GALNT18: variants seen among roughly 807,000 people sequenced by gnomAD.
GALNT18 encodes polypeptide N-acetylgalactosaminyltransferase 18.
A neutral mutation model predicts 69.5 loss-of-function variants in GALNT18; 44 were observed. The observed-to-expected ratio is 0.63, with a 90% CI of 0.50 to 0.81. The LOEUF is 0.81. Ranked by LOEUF, GALNT18 falls within the 40% of genes least tolerant of loss-of-function variation. The pLI is 0.00. For synonymous variants in GALNT18, 364 were observed against 318.2 expected (o/e 1.14, Z -1.53); for missense variants, 715 against 810.0 (o/e 0.88, Z 1.42).
chr11:11,445,682 T>C (rs1376905825), intron 2 of GALNT18, among the ~76,000 whole-genome samples: 3 of 152,230 alleles, frequency 2.0e-5, no homozygotes, highest in Non-Finnish European at 2.9e-5. Flanking sequence ...CCCTCCACTG[T>C]TAAAGCCACT....
intron 9 of GALNT18, among the ~76,000 whole-genome samples, chr11:11,323,609 C>T (rs982684841): frequency 1.3e-5 from 2 of 152,194 alleles, no homozygotes; most frequent in African/African-American, 4.8e-5. Flanking sequence ...GAGTGGCAGC[C>T]CTGATGATCC....
rs1360879647 is a variant in GALNT18 at position 11,404,479 on chromosome 11, GT to G, written c.596-25216del. Among the ~76,000 whole-genome samples the G allele has an allele frequency of 3.9e-5, 6 of 152,212 alleles. No homozygotes were observed. Among genetic ancestry groups the G allele is most frequent in the African/African-American group, 1.4e-4 (6 of 41,454 alleles). ...TGATGTAAGCCCTGGCCCGGAAGGA[GT>G]TAAGGATCAAACGGCGCCCAGGGAG... On this transcript the variant is annotated intron_variant, in intron 3 of 10. Coordinates refer to ENST00000227756, the MANE Select transcript of GALNT18 (RefSeq NM_198516.3). This position sits in a 1 kb window ranked among gnomAD's most constrained non-coding sequence, Gnocchi z 4.5.
At chr11:11,485,133 C>T (rs1320786937) in intron 1 of GALNT18, among the ~76,000 whole-genome samples, 2 of 152,212 alleles carry the variant, frequency 1.3e-5, no homozygotes, top group Non-Finnish European at 2.9e-5. Flanking sequence ...AAAGGGTTTC[C>T]TCCTGTTCTC....
intron 3 of GALNT18, among the ~76,000 whole-genome samples, chr11:11,381,060 C>T (rs142145007): frequency 1.8e-4 from 28 of 152,314 alleles, no homozygotes; most frequent in African/African-American, 6.5e-4. Context: ...GAAATGACCT[C>T]AAGATCTCCA....
rs903646701 is a variant in GALNT18 at position 11,617,360 on chromosome 11, T to C, written c.235+3999A>G. Among the ~76,000 whole-genome samples, 6 of 152,236 alleles carry C rather than the reference T, an allele frequency of 3.9e-5. No individual in the cohort carries two copies. Among genetic ancestry groups the C allele is most frequent in the Admixed American group, 1.3e-4 (2 of 15,290 alleles). ...AGGACCAAGAGTGCCCATACTCCTG[T>C]AGAGTGTCTCTAGTATACAGTTCAC... On this transcript the variant is annotated intron_variant, in intron 1 of 10. Coordinates refer to ENST00000227756, the MANE Select transcript of GALNT18 (RefSeq NM_198516.3). This position sits in a 1 kb window ranked among gnomAD's most constrained non-coding sequence, Gnocchi z 4.7.
chr11:11,547,878 C>A (rs558952834), intron 1 of GALNT18, among the ~76,000 whole-genome samples: 1 of 152,316 alleles, frequency 6.6e-6, no homozygotes, highest in African/African-American at 2.4e-5. Context: ...TATATGTATG[C>A]TCTATCTACC....
At chr11:11,278,994 G>A (rs920466088) in intron 10 of GALNT18, among the ~76,000 whole-genome samples, 1 of 151,478 alleles carries the variant, frequency 6.6e-6, no homozygotes, top group Non-Finnish European at 1.5e-5. Flanking sequence ...TGTACCCATT[G>A]ATGTAGTCTG....
At chr11:11,502,969 T>C (rs577274805) in intron 1 of GALNT18, among the ~76,000 whole-genome samples, 13 of 152,316 alleles carry the variant, frequency 8.5e-5, no homozygotes, top group African/African-American at 3.1e-4. Context: ...TTGGCCCAGA[T>C]TGCAGTTCCC....
At chr11:11,570,618 C>A (rs986836562) in intron 1 of GALNT18, among the ~76,000 whole-genome samples, 4 of 152,324 alleles carry the variant, frequency 2.6e-5, no homozygotes, top group Admixed American at 2.0e-4. Flanking sequence ...CCCTGGCCAC[C>A]CCAGCTCAGG....
At chr11:11,420,821 G>A (rs1487124) in intron 3 of GALNT18, among the ~76,000 whole-genome samples, 76,553 of 151,984 alleles carry the variant, frequency 0.5, 21,621 homozygotes, top group East Asian at 0.81. Context: ...TCAGAGGGCA[G>A]GAGAAACCCC....
At chr11:11,423,176 G>T (rs1027807126) in intron 3 of GALNT18, among the ~76,000 whole-genome samples, 1 of 152,138 alleles carries the variant, frequency 6.6e-6, no homozygotes, top group African/African-American at 2.4e-5. Context: ...ATACATGTGT[G>T]CACACATGCA....
intron 1 of GALNT18, among the ~76,000 whole-genome samples, chr11:11,560,162 AT>A (rs1858466400): frequency 1.5e-4 from 1 of 6,804 alleles, no homozygotes; most frequent in Non-Finnish European, 3.7e-4. Flanking sequence ...GATGGGATGT[AT>A]GGGATGGGAT....
intron 6 of GALNT18, among the ~76,000 whole-genome samples, chr11:11,367,276 G>C (rs1331632809): frequency 6.6e-6 from 1 of 152,160 alleles, no homozygotes; most frequent in East Asian, 1.9e-4. Flanking sequence ...AGGTCATCCT[G>C]GAGGATGAGA....
At chr11:11,346,172 AC>A (rs1850299874) in intron 6 of GALNT18, among the ~76,000 whole-genome samples, 1 of 152,090 alleles carries the variant, frequency 6.6e-6, no homozygotes, top group Admixed American at 6.5e-5. Flanking sequence ...TACTCAAAAT[AC>A]TTTTACTTCT....
rs545360023 is a variant in GALNT18, at chr11:11,271,118, A to C, written c.*26T>G. On this transcript the variant is annotated 3_prime_UTR_variant, in exon 11 of 11. Transcript: ENST00000227756. Reference sequence around the variant, plus strand: ...CAGCAGGTGCTACACAGTAGCAAAGAGGCAGCCGGAAGTGGCCCCGGTGGG... The same window carrying C: ...CAGCAGGTGCTACACAGTAGCAAAGCGGCAGCCGGAAGTGGCCCCGGTGGG... The C allele has an allele frequency of 1.2e-6, 2 of 1,601,004 alleles. No homozygotes were observed. Among genetic ancestry groups the C allele is most frequent in the Admixed American group, 3.3e-5 (2 of 59,760 alleles).
At chr11:11,317,379 G>A (rs550480313) in intron 9 of GALNT18, among the ~76,000 whole-genome samples, 16 of 152,178 alleles carry the variant, frequency 1.1e-4, no homozygotes, top group African/African-American at 2.9e-4. Flanking sequence ...ACTGGGTCCC[G>A]TTATAAGTTG....
At chr11:11,431,503 C>A (rs1057395104) in intron 3 of GALNT18, among the ~76,000 whole-genome samples, 1 of 152,162 alleles carries the variant, frequency 6.6e-6, no homozygotes, top group African/African-American at 2.4e-5. Flanking sequence ...CTTTTCCTTT[C>A]TTCATGTCCA....
At chr11:11,323,736 T>C (rs1478589468) in intron 9 of GALNT18, among the ~76,000 whole-genome samples, 2 of 152,244 alleles carry the variant, frequency 1.3e-5, no homozygotes, top group Non-Finnish European at 2.9e-5. Flanking sequence ...CATTCTTTCA[T>C]TCTATCCCAC....
rs1857443405 is a variant in GALNT18 at position 11,523,376 on chromosome 11, G to A, written c.236-74440C>T. ...CTCATGGAAGTTAAGTAGCTTGCTT[G>A]CTCTGTGCAGAGGTAACCGAGAGCT... is the stretch of plus-strand genomic sequence containing the variant. On this transcript the variant is annotated intron_variant, in intron 1 of 10. Coordinates refer to ENST00000227756, the MANE Select transcript of GALNT18 (RefSeq NM_198516.3). The surrounding 1 kb of genome is among the most constrained non-coding windows in gnomAD (Gnocchi z 4.3). Among the ~76,000 whole-genome samples the A allele has an allele frequency of 1.3e-5, 2 of 152,114 alleles. No homozygotes were observed. Among genetic ancestry groups the A allele is most frequent in the African/African-American group, 4.8e-5 (2 of 41,406 alleles).
Sources: gnomAD v4.1 joint callset for allele counts (sites outside exome capture counted in the v4.1 genomes callset) on GRCh38, gnomAD v4.1.1 for gene constraint, Gnocchi (gnomAD v3.1) non-coding constraint, MANE v1.5 for transcripts, NCBI Gene and HGNC (gene_info 2026-07-23, HGNC 2026-07-21) for gene names.